Variants in FOCAD observed in about 807,000 individuals in gnomAD.
The protein encoded by FOCAD is KIAA1797.
Under a neutral mutation model 225.6 loss-of-function variants are expected in FOCAD, and 198 were observed. The ratio of observed to expected loss-of-function variants is 0.88; its 90% confidence interval spans 0.78 to 0.99. The LOEUF is 0.99. FOCAD is among the 50% of genes least tolerant of loss of function. The probability of loss-of-function intolerance (pLI) is 0.00; values close to 1 mark genes in which losing one functional copy is unlikely to be tolerated. For synonymous variants in FOCAD, 897 were observed against 755.0 expected, an observed-to-expected ratio of 1.19 and a Z score of -3.08; for missense variants, 2,713 against 2,123.6, an observed-to-expected ratio of 1.28 and a Z score of -5.46.
intron 4 of FOCAD, 36 bp from the exon 5 acceptor site, chr9:20,740,200 T>G: frequency 7.7e-7 from 1 of 1,297,886 alleles, no homozygotes; most frequent in Admixed American, 1.9e-5. Context: ...ATTCACTTTT[T>G]ATCTATAACA....
chr9:20,861,207 T>G (rs1469352625), intron 15 of FOCAD, among the ~76,000 whole-genome samples: 1 of 152,216 alleles, frequency 6.6e-6, no homozygotes, highest in African/African-American at 2.4e-5. Flanking sequence ...TAATTTAGAG[T>G]GATGTATCTT....
rs140873823 is a variant in FOCAD, at chr9:20,847,718, A to G, written c.1921-14860A>G. Among the ~76,000 whole-genome samples the G allele has an allele frequency of 3.4e-3, 511 of 152,234 alleles. 2 individuals are homozygous for G. The highest frequency in any genetic ancestry group is 9.3e-3 in the African/African-American group (386 of 41,548). On this transcript the variant is annotated intron_variant, in intron 15 of 43. Transcript: ENST00000338382. The stretch of plus-strand genomic sequence containing the variant: ...TTTATATTGTAAAATAAGAACAGCT[A>G]TAGTAAACTTCCAAGTTTCCCTGTA...
intron 6 of FOCAD, among the ~76,000 whole-genome samples, chr9:20,760,700 C>G (rs115636054): frequency 3.9e-5 from 6 of 152,082 alleles, no homozygotes; most frequent in Non-Finnish European, 5.9e-5. Flanking sequence ...CTTACAGTTG[C>G]GACATTATCA....
chr9:20,682,067 G>A (rs1031156908), upstream of FOCAD, among the ~76,000 whole-genome samples: 1 of 152,176 alleles, frequency 6.6e-6, no homozygotes, highest in African/African-American at 2.4e-5. Context: ...TATAAAAGAC[G>A]CTTCAGGTAA....
chr9:20,696,304 A>G (rs1420745742), intron 1 of FOCAD, among the ~76,000 whole-genome samples: 1 of 152,238 alleles, frequency 6.6e-6, no homozygotes, highest in African/African-American at 2.4e-5. Flanking sequence ...GAAATTTACT[A>G]AGAGAGTAGA....
intron 6 of FOCAD, among the ~76,000 whole-genome samples, chr9:20,763,075 G>T (rs549391896): frequency 6.4e-4 from 98 of 152,184 alleles, no homozygotes; most frequent in Non-Finnish European, 7.6e-4. Context: ...TTTCATCTTT[G>T]TATCTTATCT....
At chr9:20,800,568 A>G (rs1417112619) in intron 11 of FOCAD, among the ~76,000 whole-genome samples, 1 of 151,592 alleles carries the variant, frequency 6.6e-6, no homozygotes, top group South Asian at 2.1e-4. Context: ...TTTTTCTCTA[A>G]ATTTCTCTTC....
intron 1 of FOCAD, among the ~76,000 whole-genome samples, chr9:20,707,033 C>A (rs953848000): frequency 1.3e-5 from 2 of 152,154 alleles, no homozygotes; most frequent in African/African-American, 4.8e-5. Flanking sequence ...AACTTGATCA[C>A]ATATTCTTAC....
chr9:20,714,634 G>GCCTGCCTGCCTGCCTTCCTT (rs1270720981), intron 1 of FOCAD, among the ~76,000 whole-genome samples: 65 of 120,088 alleles, frequency 5.4e-4, no homozygotes, highest in East Asian at 2.9e-3. Context: ...CTGCCTGCCT[G>GCCTGCCTGCCTGCCTTCCTT]CCTTCCTTCC....
At chr9:20,793,608 C>G (rs1033526060) in intron 11 of FOCAD, among the ~76,000 whole-genome samples, 1 of 152,136 alleles carries the variant, frequency 6.6e-6, no homozygotes, top group Non-Finnish European at 1.5e-5. Context: ...CTGGGTGTGT[C>G]ATTGAACAGC....
chr9:20,880,569 A>C (rs1830585219), intron 19 of FOCAD, among the ~76,000 whole-genome samples: 1 of 152,210 alleles, frequency 6.6e-6, no homozygotes, highest in Non-Finnish European at 1.5e-5. Flanking sequence ...TGAGAAGGAT[A>C]GAGGATAGAT....
At chr9:20,888,339 A>G (rs1831303993) in intron 21 of FOCAD, among the ~76,000 whole-genome samples, 1 of 151,780 alleles carries the variant, frequency 6.6e-6, no homozygotes, top group South Asian at 2.1e-4. Flanking sequence ...GGGTTTCACC[A>G]TGTTGGTCAG....
At chr9:20,785,494 A>G (rs944510426) in intron 10 of FOCAD, among the ~76,000 whole-genome samples, 1 of 152,172 alleles carries the variant, frequency 6.6e-6, no homozygotes, top group African/African-American at 2.4e-5. Flanking sequence ...CTTCAAGTAT[A>G]ATCATACAAT....
rs74766883 is a variant in FOCAD at position 20,842,917 on chromosome 9, C to T, written c.1921-19661C>T. Among the ~76,000 whole-genome samples, 1,268 of 151,838 alleles carry T rather than the reference C, an allele frequency of 8.4e-3. 13 individuals are homozygous for T. The highest frequency in any genetic ancestry group is 0.028 in the African/African-American group (1,180 of 41,482). On this transcript the variant is annotated intron_variant, in intron 15 of 43. Coordinates refer to ENST00000338382, the MANE Select transcript of FOCAD (RefSeq NM_001375567.1). Reference sequence around the variant, plus strand: ...ATTGATTTGAGGTTATCATGAAGCTCGCAAATAACATCTTACAACCCATTA... The same window carrying T: ...ATTGATTTGAGGTTATCATGAAGCTTGCAAATAACATCTTACAACCCATTA...
intron 40 of FOCAD, among the ~76,000 whole-genome samples, chr9:20,987,402 G>C (rs1165057120): frequency 6.6e-6 from 1 of 151,998 alleles, no homozygotes; most frequent in African/African-American, 2.4e-5. Flanking sequence ...CAGCTACTCA[G>C]GAGGCTGAGG....
rs113758007 is a variant in FOCAD, at chr9:20,978,575, C to T, written c.4377+121C>T. 4,280 of 604,974 alleles carry T rather than the reference C, an allele frequency of 7.1e-3. 28 individuals are homozygous for T. Among genetic ancestry groups the T allele is most frequent in the Non-Finnish European group, 9.7e-3 (3,661 of 376,474 alleles). 37.5% of individuals were successfully genotyped at this position (604,974 alleles called of 1,614,324 possible). A position where few individuals can be genotyped will look rare whatever the true frequency, so the allele number is the denominator to read the frequency against. ...AGACAGATGAGATCTTCACAAAAAT[C>T]GAGGGTTTGATAGTAGCTGGCCTGC... On this transcript the variant is annotated intron_variant, in intron 37 of 43. Coordinates refer to ENST00000338382, the MANE Select transcript of FOCAD (RefSeq NM_001375567.1).
chr9:20,723,546 AT>A (rs1382566486), intron 4 of FOCAD, among the ~76,000 whole-genome samples: 5 of 152,186 alleles, frequency 3.3e-5, no homozygotes, highest in Non-Finnish European at 5.9e-5. Flanking sequence ...CACATTGGAT[AT>A]TTTAGGCAAA....
Position 20,990,389 on chromosome 9 carries a change from C to CACCTGCTTT in FOCAD, c.5256+23_5256+24insTACCTGCTT, listed in dbSNP as rs575526676. The CACCTGCTTT allele has an allele frequency of 1.9e-5, 31 of 1,611,778 alleles. No homozygotes were observed. The East Asian group carries it at 6.7e-4, about 35-fold the overall frequency. On this transcript the variant is annotated intron_variant, in intron 42 of 43. Transcript: ENST00000338382. ...AGACCCAGAAGGTGAGGCTGGCAGC[C>CACCTGCTTT]ACCTGCTTAGCAGGGCAGGCAGCCA... is the stretch of plus-strand genomic sequence containing the variant.
intron 6 of FOCAD, 114 bp from the exon 7 acceptor site, chr9:20,764,755 C>G (rs745486679): frequency 1.9e-5 from 15 of 810,438 alleles, no homozygotes; most frequent in South Asian, 1.3e-4. Flanking sequence ...AGAAGTTACA[C>G]TTGATGATAT....
Sources: gnomAD v4.1 joint callset for allele counts (sites outside exome capture counted in the v4.1 genomes callset) on GRCh38, gnomAD v4.1.1 for gene constraint, MANE v1.5 for transcripts, NCBI Gene and HGNC (gene_info 2026-07-23, HGNC 2026-07-21) for gene names.